The following HDAC9 variants were observed in gnomAD, a reference collection of about 807,000 sequenced individuals.
HDAC9 encodes histone deacetylase 9, also known as MEF-2 interacting transcription repressor (MITR) protein.
Under a neutral mutation model 139.4 loss-of-function variants are expected in HDAC9, and 41 were observed. The ratio of observed to expected loss-of-function variants is 0.29; its 90% confidence interval spans 0.23 to 0.38. The LOEUF (loss-of-function observed/expected upper bound fraction) is 0.38, where lower values mean the gene tolerates loss of function less well. HDAC9 is among the 10% of genes least tolerant of loss of function. The pLI, the probability that HDAC9 is intolerant of heterozygous loss-of-function variation, is 1.00. For synonymous variants in HDAC9, 517 were observed against 476.2 expected (o/e 1.09, Z -1.12); for missense variants, 1,147 against 1,297.0 (o/e 0.88, Z 1.78).
In HDAC9 at chr7:18,666,406, C is replaced by A; in HGVS notation, c.1661C>A (p.Pro554Gln). 6.2e-7 allele frequency: 1 copy of A among 1,612,892 alleles called. No homozygotes were observed. The highest frequency in any genetic ancestry group is 8.5e-7 in the Non-Finnish European group (1 of 1,179,472). The change falls in exon 12 of 26, where the codon CCA (proline) becomes CAA (glutamine). Residue 554 changes from proline to glutamine, a missense_variant. Pro to Gln is a moderately conservative substitution (Grantham distance 76). Around this residue, in one of 7 missense-constraint regions of HDAC9, gnomAD observed 256 missense variants for 219.2 expected, o/e 1.17. Coordinates refer to ENST00000686413, the MANE Select transcript of HDAC9 (RefSeq NM_178425.4). ...GGGGCTGTGAAGGTCAAGGAGGAAC[C>A]AGTGGACAGTGATGAAGATGCTCAG... is the stretch of plus-strand genomic sequence containing the variant. ...QVGAVKVKEE[P>Q]VDSDEDAQIQ...
intron 1 of HDAC9, among the ~76,000 whole-genome samples, chr7:18,141,161 C>A (rs1209034237): frequency 1.3e-5 from 2 of 152,152 alleles, no homozygotes; most frequent in Non-Finnish European, 2.9e-5. Context: ...AGAGTCCTTT[C>A]AAAAGTAAAC....
At chr7:18,293,833 G>A (rs1350670520) in intron 1 of HDAC9, among the ~76,000 whole-genome samples, 1 of 151,822 alleles carries the variant, frequency 6.6e-6, no homozygotes, top group Non-Finnish European at 1.5e-5. Context: ...TTTCTATCCT[G>A]ATCTTTAACA....
At chr7:18,868,229 T>A (rs1342882209) in intron 21 of HDAC9, among the ~76,000 whole-genome samples, 1 of 152,186 alleles carries the variant, frequency 6.6e-6, no homozygotes, top group Non-Finnish European at 1.5e-5. Flanking sequence ...AATGGGTCAA[T>A]TGAGTGTGTG....
chr7:18,468,098 T>C (rs1490913618), intron 1 of HDAC9, among the ~76,000 whole-genome samples: 1 of 152,178 alleles, frequency 6.6e-6, no homozygotes, highest in Non-Finnish European at 1.5e-5. Context: ...TCGCTGGTGA[T>C]GTGAACTTTG....
intron 14 of HDAC9, among the ~76,000 whole-genome samples, chr7:18,751,269 G>T (rs540424708): frequency 3.3e-5 from 5 of 152,214 alleles, no homozygotes; most frequent in African/African-American, 1.2e-4. Flanking sequence ...GGTTTGAGGA[G>T]AATAGAGTCT....
intron 6 of HDAC9, among the ~76,000 whole-genome samples, chr7:18,608,228 C>T (rs1336512223): frequency 4.6e-5 from 7 of 151,850 alleles, no homozygotes; most frequent in Non-Finnish European, 1.0e-4. Flanking sequence ...AATTTTCAGC[C>T]TCTAACTCAG....
At chr7:18,235,925 A>G (rs1157309581) in intron 2 of HDAC9, among the ~76,000 whole-genome samples, 10 of 152,218 alleles carry the variant, frequency 6.6e-5, no homozygotes, top group Non-Finnish European at 1.3e-4. Context: ...GACACTAAGG[A>G]TATAGTGAAA....
At chr7:18,409,230 C>G in intron 1 of HDAC9, among the ~76,000 whole-genome samples, 1 of 152,084 alleles carries the variant, frequency 6.6e-6, no homozygotes, top group Non-Finnish European at 1.5e-5. Flanking sequence ...GTTTCTGGTA[C>G]CCTGGCGATA....
At chr7:18,241,521 A>G (rs1340423886) in intron 2 of HDAC9, among the ~76,000 whole-genome samples, 1 of 152,118 alleles carries the variant, frequency 6.6e-6, no homozygotes, top group Non-Finnish European at 1.5e-5. Flanking sequence ...TGTTGTTTTC[A>G]CTACATGTAG....
intron 1 of HDAC9, among the ~76,000 whole-genome samples, chr7:18,485,457 T>C (rs927626194): frequency 1.3e-5 from 2 of 149,676 alleles, no homozygotes; most frequent in African/African-American, 4.9e-5. Context: ...ATATATTTAT[T>C]ATATATATTT....
rs745690710 is a variant in HDAC9 at position 18,644,766 on chromosome 7, G to A, written c.1008G>A (p.Gly336=). The change falls in exon 9 of 26, where the codon GGG becomes GGA. Residue 336 remains glycine (G), a synonymous_variant. Transcript: ENST00000686413. The stretch of plus-strand genomic sequence containing the variant: ...CTTCTTTGCCCAACATTACCTTGGG[G>A]CTTCCCGCAGTGCCATCCCAGCTCA... The part of the protein sequence containing the change: ...TSPSLPNITL[G]LPAVPSQLNA... 3.1e-6 allele frequency: 5 copies of A among 1,611,510 alleles called. No homozygotes were observed. In the South Asian group the frequency reaches 4.4e-5, roughly 14 times the overall value.
intron 1 of HDAC9, among the ~76,000 whole-genome samples, chr7:18,138,523 GA>G (rs1460675396): frequency 1.5e-5 from 2 of 134,650 alleles, no homozygotes; most frequent in Non-Finnish European, 3.2e-5. Context: ...GAGAGAGAGA[GA>G]GAGGTGTGTG....
At chr7:18,980,726 C>T (rs1445807571) in intron 25 of HDAC9, among the ~76,000 whole-genome samples, 5 of 133,206 alleles carry the variant, frequency 3.8e-5, no homozygotes, top group Non-Finnish European at 1.6e-5. Context: ...TCTTCTTCTT[C>T]CTTCTTCTTC....
chr7:18,211,490 G>T (rs1323213610), intron 2 of HDAC9, among the ~76,000 whole-genome samples: 1 of 152,132 alleles, frequency 6.6e-6, no homozygotes, highest in Non-Finnish European at 1.5e-5. Flanking sequence ...ATATACTCAT[G>T]ACTTCCTTCT....
intron 16 of HDAC9, among the ~76,000 whole-genome samples, chr7:18,783,308 T>C (rs959700390): frequency 6.6e-6 from 1 of 152,128 alleles, no homozygotes; most frequent in Non-Finnish European, 1.5e-5. Flanking sequence ...AAAGCATTTC[T>C]CTATGAAGTT....
chr7:18,212,242 T>G (rs1219416423), intron 2 of HDAC9, among the ~76,000 whole-genome samples: 2 of 152,204 alleles, frequency 1.3e-5, no homozygotes, highest in Non-Finnish European at 2.9e-5. Context: ...TTGTAAGATT[T>G]ATTAATACAA....
chr7:18,370,257 T>C (rs959340455), intron 1 of HDAC9, among the ~76,000 whole-genome samples: 1 of 152,170 alleles, frequency 6.6e-6, no homozygotes, highest in Admixed American at 6.6e-5. Context: ...CATAAATCTG[T>C]AACAGAATTA....
rs141210245 is a variant in HDAC9, at chr7:18,748,770, A to C, written c.1910-235A>C. 3.0e-3 allele frequency among the ~76,000 whole-genome samples: 453 copies of C among 152,360 alleles called. 2 individuals carry two copies. The highest frequency in any genetic ancestry group is 0.01 in the African/African-American group (430 of 41,584). On this transcript the variant is annotated intron_variant, in intron 13 of 25. Coordinates refer to ENST00000686413, the MANE Select transcript of HDAC9 (RefSeq NM_178425.4). ...ATCTTCATCACTTTACAGATTTACT[A>C]AACTAGGGTCTGAGTACTGGTTAAT...
At chr7:18,705,861 AAATAAAATAAAATAAAAT>A (rs1783858901) in intron 12 of HDAC9, among the ~76,000 whole-genome samples, 1 of 123,098 alleles carries the variant, frequency 8.1e-6, no homozygotes, top group Non-Finnish European at 1.5e-5. Flanking sequence ...TCAAAAAAAA[AAATAAAATAAAATAAAAT>A]AAAAGAAATG....
Sources: allele counts gnomAD v4.1 joint callset (sites outside exome capture counted in the v4.1 genomes callset), GRCh38; gene constraint gnomAD v4.1.1; regional missense constraint gnomAD v4.1.1; transcripts MANE v1.5; gene names NCBI Gene and HGNC (gene_info 2026-07-23, HGNC 2026-07-21).